The following RASGRP3 variants were observed in gnomAD, a reference collection of about 807,000 sequenced individuals.
RASGRP3 encodes ras guanyl-releasing protein 3.
RASGRP3 carries 54 observed loss-of-function variants against 82.7 expected under a neutral mutation model. The observed-to-expected ratio is 0.65, with a 90% confidence interval of 0.52 to 0.82. The LOEUF is 0.82. Ranked by LOEUF, RASGRP3 falls within the 40% of genes least tolerant of loss-of-function variation. The pLI is 0.00. For synonymous variants in RASGRP3, 309 were observed against 300.5 expected, an observed-to-expected ratio of 1.03 and a Z score of -0.29; for missense variants, 861 against 828.9, an observed-to-expected ratio of 1.04 and a Z score of -0.48.
intron 10 of RASGRP3, 80 bp from the exon 11 acceptor site, chr2:33,534,243 C>A: frequency 1.0e-6 from 1 of 971,356 alleles, no homozygotes. Flanking sequence ...TTAAAACATT[C>A]AACTTGAAAA....
At chr2:33,549,173 A>T (rs1675134140) in intron 13 of RASGRP3, among the ~76,000 whole-genome samples, 1 of 152,182 alleles carries the variant, frequency 6.6e-6, no homozygotes. Flanking sequence ...CCCGGACAGC[A>T]TCAAGCTGAA....
chr2:33,451,373 G>T (rs12999228), intron 2 of RASGRP3, among the ~76,000 whole-genome samples: 122,104 of 152,138 alleles, frequency 0.8, 49,583 homozygotes, highest in Non-Finnish European at 0.83. Context: ...TGTCTCTACA[G>T]TCTGTTGATT....
intron 1 of RASGRP3, among the ~76,000 whole-genome samples, chr2:33,496,701 A>G (rs935862306): frequency 7.2e-5 from 11 of 152,226 alleles, no homozygotes; most frequent in African/African-American, 2.7e-4. Flanking sequence ...ACCAAAAAAT[A>G]CAAAAATTAG....
At chr2:33,459,158 G>A (rs1056403164) in intron 2 of RASGRP3, among the ~76,000 whole-genome samples, 2 of 151,686 alleles carry the variant, frequency 1.3e-5, no homozygotes, top group Non-Finnish European at 1.5e-5. Context: ...ATGGAGTCTC[G>A]CTCTGTCGCT....
At chr2:33,521,814 T>C (rs1312783890) in intron 6 of RASGRP3, 141 bp from the exon 7 acceptor site, 2 of 1,038,724 alleles carry the variant, frequency 1.9e-6, no homozygotes, top group African/African-American at 3.2e-5. Flanking sequence ...AGTGGTTTTC[T>C]CTTCCAATAT....
At chr2:33,535,538 A>T (rs2151057911) in intron 11 of RASGRP3, among the ~76,000 whole-genome samples, 1 of 150,850 alleles carries the variant, frequency 6.6e-6, no homozygotes, top group Middle Eastern at 3.4e-3. Flanking sequence ...ACCGAAAGAG[A>T]CAGAATGGCA....
intron 10 of RASGRP3, chr2:33,534,009 C>T (rs1673354283): frequency 6.5e-6 from 2 of 305,382 alleles, no homozygotes; most frequent in Non-Finnish European, 6.1e-6. Flanking sequence ...TTGTTTGCAT[C>T]TGTCCCCACT....
chr2:33,441,173 T>TGAGCC (rs1292272141), intron 1 of RASGRP3, among the ~76,000 whole-genome samples: 1 of 152,224 alleles, frequency 6.6e-6, no homozygotes, highest in Non-Finnish European at 1.5e-5. Context: ...ATTACAGGCG[T>TGAGCC]GAGCCACGGC....
At chr2:33,515,341 G>T in intron 3 of RASGRP3, 135 bp downstream of exon 3, 3 of 823,698 alleles carry the variant, frequency 3.6e-6, no homozygotes, top group Non-Finnish European at 6.0e-6. Context: ...ATGGACCCGG[G>T]TCTGTCTCTC....
In RASGRP3 at chr2:33,558,789, C is replaced by T. The variant is rs1246839954; in HGVS notation, c.1823C>T (p.Ala608Val). The change falls in exon 17 of 18, where the codon GCC becomes GTC. Residue 608 changes from alanine to valine, a missense_variant. Coordinates refer to ENST00000403687, the MANE Select transcript of RASGRP3 (RefSeq NM_001139488.2). Reference sequence around the variant, plus strand: ...AAGATCTCTGTGAGGCTACAGAGGGCCACCACCAGCCAGGCCACCCAGACT... The same window carrying T: ...AAGATCTCTGTGAGGCTACAGAGGGTCACCACCAGCCAGGCCACCCAGACT... ...SRKISVRLQR[A>V]TTSQATQTEP... 4 of 1,613,968 alleles carry T rather than the reference C, an allele frequency of 2.5e-6. No homozygotes were observed. In the South Asian group the frequency reaches 4.4e-5, roughly 18 times the overall value.
intron 2 of RASGRP3, among the ~76,000 whole-genome samples, chr2:33,514,739 T>C (rs1671284549): frequency 6.6e-6 from 1 of 151,942 alleles, no homozygotes; most frequent in African/African-American, 2.4e-5. Context: ...AAGGAAAGTA[T>C]AAAACATTGC....
intron 2 of RASGRP3, among the ~76,000 whole-genome samples, chr2:33,468,593 G>A (rs1463880260): frequency 6.6e-6 from 1 of 151,974 alleles, no homozygotes; most frequent in East Asian, 1.9e-4. Context: ...GTACAGACAG[G>A]GTTTCACCAT....
Position 33,464,388 on chromosome 2 carries a change from G to A in RASGRP3, c.-261+16445G>A, listed in dbSNP as rs561577614. Among the ~76,000 whole-genome samples, 5 of 151,038 alleles carry A rather than the reference G, an allele frequency of 3.3e-5. No homozygotes were observed. The Middle Eastern group carries it at 0.01, about 310-fold the overall frequency. On this transcript the variant is annotated intron_variant, in intron 2 of 18. Transcript: ENST00000402538. ...ACCCACCTCAGCCTCCCAAAGCGCT[G>A]GGATTACAGGTGTGAACCACCGTGC...
At chr2:33,442,769 G>A (rs1162223977) in intron 1 of RASGRP3, among the ~76,000 whole-genome samples, 9 of 152,154 alleles carry the variant, frequency 5.9e-5, no homozygotes, top group Non-Finnish European at 2.9e-5. Context: ...CAGACAAGAT[G>A]GTCAGCAAAT....
chr2:33,544,382 A>G (rs1674546745), intron 13 of RASGRP3, among the ~76,000 whole-genome samples: 1 of 152,182 alleles, frequency 6.6e-6, no homozygotes, highest in Non-Finnish European at 1.5e-5. Context: ...AGAAGCATTC[A>G]TGCTTTGTTT....
intron 1 of RASGRP3, among the ~76,000 whole-genome samples, chr2:33,444,840 G>A (rs4670537): frequency 0.076 from 11,527 of 152,220 alleles, 587 homozygotes; most frequent in Admixed American, 0.16. Context: ...TGGATGATAT[G>A]CTTGTAAAAG....
chr2:33,474,362 G>A (rs1032562155), upstream of RASGRP3, among the ~76,000 whole-genome samples: 1 of 152,160 alleles, frequency 6.6e-6, no homozygotes, highest in African/African-American at 2.4e-5. Flanking sequence ...TTAAGACAGA[G>A]TCTCACTCTG....
At chr2:33,471,742 C>G (rs1213000881), upstream of RASGRP3, among the ~76,000 whole-genome samples, 1 of 152,014 alleles carries the variant, frequency 6.6e-6, no homozygotes, top group Non-Finnish European at 1.5e-5. Context: ...TCCATGGTTA[C>G]TGATCTGTTG....
intron 2 of RASGRP3, among the ~76,000 whole-genome samples, chr2:33,459,458 G>C (rs1666234229): frequency 6.6e-6 from 1 of 152,098 alleles, no homozygotes; most frequent in African/African-American, 2.4e-5. Context: ...CTATAACTTT[G>C]CATTGCTTTT....
Sources: gnomAD v4.1 joint callset for allele counts (sites outside exome capture counted in the v4.1 genomes callset) on GRCh38, gnomAD v4.1.1 for gene constraint, MANE v1.5 for transcripts, NCBI Gene and HGNC (gene_info 2026-07-23, HGNC 2026-07-21) for gene names.